The following GGTA1 variants were observed in gnomAD, a reference collection of about 807,000 sequenced individuals.
The protein encoded by GGTA1 is glycoprotein alpha-galactosyltransferase 1 (inactive).
A neutral mutation model predicts 2.6 loss-of-function variants in GGTA1; 5 were observed. The observed-to-expected ratio is 1.92, with a 90% CI of 1.00 to 4.04. The LOEUF is 4.04. GGTA1 is among the 30% of genes most tolerant of loss of function. The probability of loss-of-function intolerance (pLI) is 0.00; values close to 1 mark genes in which losing one functional copy is unlikely to be tolerated. For missense variants in GGTA1, 50 were observed against 16.7 expected, an observed-to-expected ratio of 2.99 and a Z score of -3.47; for synonymous variants, 17 against 5.0, an observed-to-expected ratio of 3.38 and a Z score of -3.19.
intron 1 of GGTA1, among the ~76,000 whole-genome samples, chr9:121,490,419 C>T (rs2118765247): frequency 6.6e-6 from 1 of 152,336 alleles, no homozygotes; most frequent in African/African-American, 2.4e-5. Flanking sequence ...TCAGCTGTGG[C>T]CCTGTGACCC....
chr9:121,449,563 C>A (rs543670107), intron 7 of GGTA1, among the ~76,000 whole-genome samples: 1 of 152,222 alleles, frequency 6.6e-6, no homozygotes, highest in South Asian at 2.1e-4. Flanking sequence ...CTCCCATTGC[C>A]GGGCACGGTG....
At position 121,463,412 on chromosome 9, in the gene GGTA1, G is replaced by C. The variant is rs572102006; in HGVS notation, c.81-84C>G. The C allele has an allele frequency of 1.2e-5, 5 of 421,720 alleles. No homozygotes were observed. In the East Asian group the frequency reaches 3.0e-4, roughly 25 times the overall value. The allele number at this position is 421,720 out of a possible 1,614,324, so 26.1% of individuals were successfully genotyped here. On this transcript the variant is annotated intron_variant, in intron 2 of 5. Transcript: ENST00000481799. ...TTTTGTAACCATTATCACTGAGCCC[G>C]GGGCTGAGCTAAGAGCCTGGGTTTT...
rs1589333962 is a variant in GGTA1, at chr9:121,476,311, A to C, written c.-9-8380T>G. On this transcript the variant is annotated intron_variant, in intron 1 of 5. Coordinates refer to ENST00000481799, the MANE Select transcript of GGTA1 (RefSeq NM_001382585.1). This position sits in a 1 kb window ranked among gnomAD's most constrained non-coding sequence, Gnocchi z 4.6. Reference sequence around the variant, plus strand: ...TGCACCTCCATTTGCACCCCACCCCACCTCCTTGCTCCACCCCTGCCTCAC... The same window carrying C: ...TGCACCTCCATTTGCACCCCACCCCCCCTCCTTGCTCCACCCCTGCCTCAC... 6.7e-6 allele frequency among the ~76,000 whole-genome samples: 1 copy of C among 149,068 alleles called. No homozygotes were observed. The highest frequency in any genetic ancestry group is 2.5e-5 in the African/African-American group (1 of 40,162).
intron 1 of GGTA1, among the ~76,000 whole-genome samples, chr9:121,489,321 C>A (rs1482034696): frequency 6.6e-6 from 1 of 152,168 alleles, no homozygotes; most frequent in Non-Finnish European, 1.5e-5. Context: ...ACCTTAGCCT[C>A]CCCAGTAGCT....
At chr9:121,469,888 G>C (rs1368696641) in intron 1 of GGTA1, among the ~76,000 whole-genome samples, 1 of 152,272 alleles carries the variant, frequency 6.6e-6, no homozygotes, top group Admixed American at 6.5e-5. Context: ...CATCCCTACA[G>C]CCTAAAGCCC....
chr9:121,489,493 G>T (rs10818555), intron 1 of GGTA1, among the ~76,000 whole-genome samples: 41,226 of 152,132 alleles, frequency 0.27, 6,105 homozygotes, highest in Middle Eastern at 0.37. Context: ...AGCCTCATTT[G>T]ATACTCTTGA....
intron 5 of GGTA1, among the ~76,000 whole-genome samples, chr9:121,457,713 A>AAC (rs1564650913): frequency 1.3e-5 from 2 of 150,448 alleles, no homozygotes; most frequent in African/African-American, 2.4e-5. Flanking sequence ...AAAAAAAAAA[A>AAC]AAACAGTATA....
At chr9:121,454,832 G>T (rs1382257871), downstream of GGTA1, among the ~76,000 whole-genome samples, 1 of 152,244 alleles carries the variant, frequency 6.6e-6, no homozygotes. Flanking sequence ...AGCCAACATG[G>T]TGAAACCCTG....
rs550808117 is a variant in GGTA1 at position 121,460,295 on chromosome 9, G to A, written c.183-76C>T. The A allele has an allele frequency of 6.7e-6, 3 of 449,610 alleles. No homozygotes were observed. The East Asian group carries it at 2.1e-4, about 31-fold the overall frequency. The allele number at this position is 449,610 out of a possible 1,614,324, so 27.9% of individuals were successfully genotyped here. ...TGGTCAGAGAACTGGTGAATATCTT[G>A]TGGAAATGTGTTCCAAGGCAGATTA... On this transcript the variant is annotated intron_variant, in intron 4 of 5. Transcript: ENST00000481799.
intron 3 of GGTA1, chr9:121,462,770 G>C (rs1477594621): frequency 6.6e-6 from 1 of 152,110 alleles, no homozygotes; most frequent in East Asian, 1.9e-4. Flanking sequence ...TGAAGGCTGG[G>C]GTAAGTACAA....
intron 3 of GGTA1, among the ~76,000 whole-genome samples, chr9:121,462,186 G>A (rs1041599127): frequency 3.0e-4 from 45 of 152,118 alleles, no homozygotes; most frequent in African/African-American, 1.0e-3. Flanking sequence ...TTAGCCGGGC[G>A]TGGTGGCAGG....
chr9:121,457,970 C>T (rs958711821), intron 5 of GGTA1, among the ~76,000 whole-genome samples: 3 of 147,890 alleles, frequency 2.0e-5, no homozygotes, highest in Non-Finnish European at 3.0e-5. Flanking sequence ...AGTGCAGTGG[C>T]ATGATCTTGG....
At chr9:121,452,762 G>T (rs185986661), downstream of GGTA1, among the ~76,000 whole-genome samples, 1 of 152,124 alleles carries the variant, frequency 6.6e-6, no homozygotes, top group African/African-American at 2.4e-5. Context: ...CAGGTGATCC[G>T]CCAGCTTCAG....
At chr9:121,474,986 C>A (rs1024591636) in intron 1 of GGTA1, among the ~76,000 whole-genome samples, 2 of 152,290 alleles carry the variant, frequency 1.3e-5, no homozygotes, top group East Asian at 1.9e-4. Flanking sequence ...TCCCAAGTGT[C>A]AGAGCCGTTT....
At chr9:121,447,776 C>A (rs1221786104) in intron 7 of GGTA1, among the ~76,000 whole-genome samples, 1 of 152,054 alleles carries the variant, frequency 6.6e-6, no homozygotes, top group Non-Finnish European at 1.5e-5. Flanking sequence ...AATGATTTCT[C>A]CTACCCCAGG....
chr9:121,457,700 T>TAAAA (rs35336090), intron 5 of GGTA1, among the ~76,000 whole-genome samples: 16 of 123,022 alleles, frequency 1.3e-4, no homozygotes, highest in East Asian at 5.0e-4. Flanking sequence ...GAATCCATCT[T>TAAAA]AAAAAAAAAA....
chr9:121,491,598 G>GTT lies in GGTA1; in HGVS notation c.-10+8050_-10+8051dup, dbSNP rs371689583. ...CTTTGTGGCTGTCACTGTGCAATTAGTTTTTTTTTTTTTCTTGTTTTCTTT... is the reference window on the plus strand; with the variant it reads ...CTTTGTGGCTGTCACTGTGCAATTAGTTTTTTTTTTTTTTTCTTGTTTTCTTT... On this transcript the variant is annotated intron_variant, in intron 1 of 5. Coordinates refer to ENST00000481799, the MANE Select transcript of GGTA1 (RefSeq NM_001382585.1). 2.1e-3 allele frequency among the ~76,000 whole-genome samples: 309 copies of GTT among 147,466 alleles called. 3 individuals carry two copies. Among genetic ancestry groups the GTT allele is most frequent in the African/African-American group, 7.1e-3 (284 of 40,246 alleles).
At chr9:121,491,249 G>A (rs1057469503) in intron 1 of GGTA1, among the ~76,000 whole-genome samples, 7 of 152,152 alleles carry the variant, frequency 4.6e-5, no homozygotes, top group Non-Finnish European at 7.3e-5. Context: ...GAGGACAGCT[G>A]GCCTGCCACT....
At chr9:121,489,209 TA>T (rs1438314645) in intron 1 of GGTA1, among the ~76,000 whole-genome samples, 11 of 152,188 alleles carry the variant, frequency 7.2e-5, no homozygotes, top group African/African-American at 2.2e-4. Flanking sequence ...ATTTTATATA[TA>T]TTTTTTTGAG....
Sources: gnomAD v4.1 joint callset for allele counts (sites outside exome capture counted in the v4.1 genomes callset) on GRCh38, gnomAD v4.1.1 for gene constraint, Gnocchi (gnomAD v3.1) non-coding constraint, MANE v1.5 for transcripts, NCBI Gene and HGNC (gene_info 2026-07-23, HGNC 2026-07-21) for gene names.